DPP6: variants seen among roughly 807,000 people sequenced by gnomAD.
The protein encoded by DPP6 is A-type potassium channel modulatory protein DPP6.
DPP6 carries 69 observed loss-of-function variants against 122.6 expected under a neutral mutation model. The observed-to-expected ratio is 0.56, with a 90% CI of 0.46 to 0.69. DPP6 has a LOEUF of 0.69. Ranked by LOEUF, DPP6 falls within the 30% of genes least tolerant of loss-of-function variation. The probability of loss-of-function intolerance (pLI) is 0.00; values close to 1 mark genes in which losing one functional copy is unlikely to be tolerated. For synonymous variants in DPP6, 418 were observed against 433.1 expected (o/e 0.97, Z 0.43); for missense variants, 928 against 1,116.9 (o/e 0.83, Z 2.41).
chr7:154,509,718 A>G (rs907403377), intron 3 of DPP6, among the ~76,000 whole-genome samples: 2 of 152,236 alleles, frequency 1.3e-5, no homozygotes, highest in Non-Finnish European at 2.9e-5. Context: ...AAGTGCAAAC[A>G]ACCCAAATGT....
chr7:154,354,004 A>G (rs1465484149), intron 1 of DPP6, among the ~76,000 whole-genome samples: 1 of 152,200 alleles, frequency 6.6e-6, no homozygotes, highest in Admixed American at 6.5e-5. Context: ...AGATTTATGA[A>G]GCCTTTGCCA....
At chr7:154,060,473 G>T in intron 1 of DPP6, among the ~76,000 whole-genome samples, 1 of 134,266 alleles carries the variant, frequency 7.4e-6, no homozygotes. Context: ...TCTGGCTTAG[G>T]ACCTCCATCG....
the DPP6 span, among the ~76,000 whole-genome samples, chr7:153,859,860 C>T: frequency 3.9e-5 from 6 of 152,202 alleles, no homozygotes; most frequent in East Asian, 3.9e-4. Flanking sequence ...CATCAGATCT[C>T]GTGAGAACTC....
intron 1 of DPP6, among the ~76,000 whole-genome samples, chr7:154,076,921 G>T (rs1585323287): frequency 6.6e-6 from 1 of 151,684 alleles, no homozygotes; most frequent in African/African-American, 2.4e-5. Flanking sequence ...AAGATCCTGG[G>T]GGCAGTGTCA....
At chr7:154,246,590 A>G (rs1202121684) in intron 1 of DPP6, among the ~76,000 whole-genome samples, 1 of 152,206 alleles carries the variant, frequency 6.6e-6, no homozygotes, top group East Asian at 1.9e-4. Flanking sequence ...AACAGTCTTG[A>G]AAAAAAGAAC....
intron 1 of DPP6, among the ~76,000 whole-genome samples, chr7:154,401,792 C>T (rs1293545112): frequency 2.0e-5 from 3 of 152,160 alleles, no homozygotes; most frequent in African/African-American, 7.2e-5. Context: ...AAAGAAACTA[C>T]CATCGGAGTG....
the DPP6 span, among the ~76,000 whole-genome samples, chr7:153,786,738 C>CAAAAAAAA: frequency 5.6e-5 from 2 of 35,696 alleles, no homozygotes; most frequent in Non-Finnish European, 1.2e-4. Flanking sequence ...GACTCCGTCT[C>CAAAAAAAA]AGAAAAAAAA....
chr7:154,530,417 A>C (rs921404860), intron 3 of DPP6, among the ~76,000 whole-genome samples: 1 of 152,220 alleles, frequency 6.6e-6, no homozygotes, highest in Non-Finnish European at 1.5e-5. Flanking sequence ...TCATTAGAGG[A>C]ATGCAAATCA....
rs2129062565 is a variant in DPP6 at position 154,052,966 on chromosome 7, AGGCGGCGGCGCCCCGGGAGCGCGGCGGC to A, written c.157_184del (p.Pro53AlafsTer35). 3 of 1,114,996 alleles carry A rather than the reference AGGCGGCGGCGCCCCGGGAGCGCGGCGGC, an allele frequency of 2.7e-6. No individual in the cohort carries two copies. The highest frequency in any genetic ancestry group is 5.0e-5 in the Admixed American group (1 of 20,120). 69.1% of individuals were successfully genotyped at this position (1,114,996 alleles called of 1,614,324 possible). A position where few individuals can be genotyped will look rare whatever the true frequency, so the allele number is the denominator to read the frequency against. ...GCCAAGCCCCTCGGCCCGCGGGCGCAGGCGGCGGCGCCCCGGGAGCGCGGCGGCGGCGGCGGCGGCGCGGGTGGCCGGC... is the reference window on the plus strand; with the variant it reads ...GCCAAGCCCCTCGGCCCGCGGGCGCAGGCGGCGGCGGCGCGGGTGGCCGGC... On this transcript the variant is annotated frameshift_variant, in exon 1 of 26. Coordinates refer to ENST00000377770, the MANE Select transcript of DPP6 (RefSeq NM_130797.4). LOFTEE classifies it high-confidence loss of function. This position sits in a 1 kb window ranked among gnomAD's most constrained non-coding sequence, Gnocchi z 4.8.
At chr7:154,709,959 G>A (rs906136741) in intron 7 of DPP6, among the ~76,000 whole-genome samples, 4 of 152,128 alleles carry the variant, frequency 2.6e-5, no homozygotes, top group Non-Finnish European at 5.9e-5. Context: ...CATACATTCC[G>A]GCTCTGCCTG....
At chr7:153,786,341 C>T in the DPP6 span, among the ~76,000 whole-genome samples, 5 of 149,714 alleles carry the variant, frequency 3.3e-5, no homozygotes, top group Admixed American at 2.0e-4. Flanking sequence ...AATATGACCA[C>T]GTGGAAGCAT....
At chr7:154,091,394 A>G (rs1197385074) in intron 1 of DPP6, among the ~76,000 whole-genome samples, 1 of 152,176 alleles carries the variant, frequency 6.6e-6, no homozygotes, top group Non-Finnish European at 1.5e-5. Flanking sequence ...ATAGCTTCTC[A>G]TAGCTGGGCA....
chr7:154,154,717 A>C (rs1315510182), intron 1 of DPP6, among the ~76,000 whole-genome samples: 1 of 152,232 alleles, frequency 6.6e-6, no homozygotes, highest in Non-Finnish European at 1.5e-5. Context: ...ATATCTCCTA[A>C]GAAATGGCCA....
intron 1 of DPP6, among the ~76,000 whole-genome samples, chr7:154,067,973 C>T (rs1227202789): frequency 6.7e-6 from 1 of 149,312 alleles, no homozygotes; most frequent in Admixed American, 6.6e-5. Flanking sequence ...TGTTGCCCAG[C>T]CTGGTCTCAA....
chr7:153,987,331 G>GTTGAATCAC (rs1022447737), intron 1 of DPP6, among the ~76,000 whole-genome samples: 43 of 152,200 alleles, frequency 2.8e-4, no homozygotes, highest in Non-Finnish European at 6.0e-4. Flanking sequence ...ATTTGCTTAC[G>GTTGAATCAC]TTGAATCACT....
At chr7:154,333,208 T>G (rs1395023772) in intron 1 of DPP6, among the ~76,000 whole-genome samples, 1 of 152,212 alleles carries the variant, frequency 6.6e-6, no homozygotes, top group Non-Finnish European at 1.5e-5. Context: ...TTTGGAGAGA[T>G]ATGACATGTT....
At chr7:153,867,790 A>T in the DPP6 span, among the ~76,000 whole-genome samples, 18 of 151,860 alleles carry the variant, frequency 1.2e-4, 1 homozygote, top group Admixed American at 8.5e-4. Context: ...TGTGGGTTTG[A>T]CATAGATAGC....
chr7:154,240,585 A>G (rs1473863131), intron 1 of DPP6, among the ~76,000 whole-genome samples: 1 of 152,232 alleles, frequency 6.6e-6, no homozygotes, highest in African/African-American at 2.4e-5. Flanking sequence ...CATAGAGTGT[A>G]TGTCAGAGAT....
At chr7:154,779,277 CCACCACCACCCCCACTA>C (rs1461074722) in intron 10 of DPP6, among the ~76,000 whole-genome samples, 7 of 101,612 alleles carry the variant, frequency 6.9e-5, no homozygotes, top group Non-Finnish European at 1.1e-4. Context: ...ATCACCACCT[CCACCACCACCCCCACTA>C]CTATCACCAC....
Sources: gnomAD v4.1 joint callset for allele counts (sites outside exome capture counted in the v4.1 genomes callset) on GRCh38, gnomAD v4.1.1 for gene constraint, Gnocchi (gnomAD v3.1) non-coding constraint, MANE v1.5 for transcripts, NCBI Gene and HGNC (gene_info 2026-07-23, HGNC 2026-07-21) for gene names.